The following SHISA9 variants were observed in gnomAD, a reference collection of about 807,000 sequenced individuals.
The protein encoded by SHISA9 is shisa family member 9.
SHISA9 carries 13 observed loss-of-function variants against 38.0 expected under a neutral mutation model. The observed-to-expected ratio is 0.34, with a 90% confidence interval of 0.22 to 0.54. The LOEUF is 0.54. SHISA9 is among the 20% of genes least tolerant of loss of function. The pLI is 0.91. For missense variants in SHISA9, 538 were observed against 575.8 expected, an observed-to-expected ratio of 0.93 and a Z score of 0.67; for synonymous variants, 275 against 242.0, an observed-to-expected ratio of 1.14 and a Z score of -1.27.
chr16:13,118,599 C>T (rs989737359), intron 2 of SHISA9, among the ~76,000 whole-genome samples: 1 of 152,142 alleles, frequency 6.6e-6, no homozygotes, highest in African/African-American at 2.4e-5. Flanking sequence ...GAGTCTGGGG[C>T]AGGCCCAGAG....
the SHISA9 span, among the ~76,000 whole-genome samples, chr16:13,314,436 C>T: frequency 6.6e-6 from 1 of 152,060 alleles, no homozygotes; most frequent in Non-Finnish European, 1.5e-5. Flanking sequence ...GACAGGGTTT[C>T]ACCGTGTTGG....
intron 2 of SHISA9, among the ~76,000 whole-genome samples, chr16:12,973,843 CT>C (rs2072118611): frequency 6.6e-6 from 1 of 152,146 alleles, no homozygotes; most frequent in Non-Finnish European, 1.5e-5. Flanking sequence ...CACTAATTGT[CT>C]GTATAGCCTC....
chr16:13,389,374 C>T, the SHISA9 span, among the ~76,000 whole-genome samples: 2 of 152,012 alleles, frequency 1.3e-5, no homozygotes, highest in Admixed American at 6.6e-5. Flanking sequence ...ATTTAAGGGC[C>T]GTGTCTCTTT....
At chr16:13,018,653 C>T (rs1258502358) in intron 2 of SHISA9, among the ~76,000 whole-genome samples, 1 of 152,198 alleles carries the variant, frequency 6.6e-6, no homozygotes, top group African/African-American at 2.4e-5. Flanking sequence ...AGAGGCACTG[C>T]AGCTGGTGAT....
the SHISA9 span, among the ~76,000 whole-genome samples, chr16:13,469,754 A>G: frequency 6.6e-6 from 1 of 152,036 alleles, no homozygotes; most frequent in Non-Finnish European, 1.5e-5. Context: ...AGGCTGACAC[A>G]ATTAACCAGA....
At chr16:12,971,908 G>T (rs76817903) in intron 2 of SHISA9, among the ~76,000 whole-genome samples, 1 of 152,026 alleles carries the variant, frequency 6.6e-6, no homozygotes, top group Non-Finnish European at 1.5e-5. Flanking sequence ...TATAGATTCC[G>T]GTCTGTCTTT....
At chr16:13,212,666 C>T (rs964381185) in intron 3 of SHISA9, among the ~76,000 whole-genome samples, 6 of 152,074 alleles carry the variant, frequency 3.9e-5, no homozygotes, top group East Asian at 1.9e-4. Context: ...GAATGCATTC[C>T]TTCATTCAGT....
chr16:12,965,031 C>G (rs1320767866), intron 2 of SHISA9, among the ~76,000 whole-genome samples: 1 of 152,036 alleles, frequency 6.6e-6, no homozygotes, highest in African/African-American at 2.4e-5. Flanking sequence ...AAATGAATAT[C>G]TATCTATATA....
chr16:13,150,003 C>G (rs80203051), intron 2 of SHISA9, among the ~76,000 whole-genome samples: 6,700 of 131,254 alleles, frequency 0.051, 315 homozygotes, highest in South Asian at 0.19. Flanking sequence ...ATAGGAAATG[C>G]TCAATGGTCA....
chr16:13,012,988 A>G (rs553246008), intron 2 of SHISA9, among the ~76,000 whole-genome samples: 1 of 152,238 alleles, frequency 6.6e-6, no homozygotes, highest in East Asian at 1.9e-4. Flanking sequence ...AGGGGCGTGG[A>G]GGGAGACAGG....
At chr16:13,192,284 A>G (rs1038705743) in intron 2 of SHISA9, among the ~76,000 whole-genome samples, 6 of 152,062 alleles carry the variant, frequency 3.9e-5, no homozygotes, top group African/African-American at 1.5e-4. Flanking sequence ...AATGTTCACT[A>G]TTTGGGTGAT....
chr16:13,477,720 T>C, the SHISA9 span, among the ~76,000 whole-genome samples: 1 of 152,174 alleles, frequency 6.6e-6, no homozygotes, highest in Non-Finnish European at 1.5e-5. Flanking sequence ...ATCCCAGCAT[T>C]TTGGGAGGCC....
At chr16:13,379,075 C>T in the SHISA9 span, among the ~76,000 whole-genome samples, 2 of 149,906 alleles carry the variant, frequency 1.3e-5, no homozygotes, top group Non-Finnish European at 3.0e-5. Flanking sequence ...GTAAGCCCTA[C>T]CCTCTAGGGA....
At chr16:13,317,051 T>C in the SHISA9 span, among the ~76,000 whole-genome samples, 1 of 152,132 alleles carries the variant, frequency 6.6e-6, no homozygotes, top group African/African-American at 2.4e-5. Context: ...CCAGACTGAG[T>C]CCCTAGCTGC....
chr16:13,015,892 TTCTTTCTTTC>T (rs1303404858), intron 2 of SHISA9, among the ~76,000 whole-genome samples: 2 of 129,170 alleles, frequency 1.5e-5, no homozygotes, highest in African/African-American at 5.5e-5. Context: ...CTTTCTTTCT[TTCTTTCTTTC>T]TTTCTTTTCT....
chr16:13,027,796 G>T (rs900431012), intron 2 of SHISA9, among the ~76,000 whole-genome samples: 36 of 151,748 alleles, frequency 2.4e-4, no homozygotes, highest in African/African-American at 8.5e-4. Flanking sequence ...GTATGGTGGT[G>T]CACTCCTGTA....
chr16:13,336,488 C>A, the SHISA9 span, among the ~76,000 whole-genome samples: 1 of 152,090 alleles, frequency 6.6e-6, no homozygotes, highest in Non-Finnish European at 1.5e-5. Flanking sequence ...CATTCTGATC[C>A]CAGAAAGGAA....
At chr16:12,997,410 GTTT>G (rs34930368) in intron 2 of SHISA9, among the ~76,000 whole-genome samples, 1 of 134,076 alleles carries the variant, frequency 7.5e-6, no homozygotes, top group Non-Finnish European at 1.6e-5. Context: ...GCTTAACCTA[GTTT>G]TTTTTTTTTT....
the SHISA9 span, among the ~76,000 whole-genome samples, chr16:13,397,677 G>T: frequency 1.3e-5 from 2 of 152,180 alleles, no homozygotes; most frequent in South Asian, 2.1e-4. Flanking sequence ...CTCATGATCT[G>T]CCCACCTTGG....
Sources: gnomAD v4.1 joint callset for allele counts (sites outside exome capture counted in the v4.1 genomes callset) on GRCh38, gnomAD v4.1.1 for gene constraint, MANE v1.5 for transcripts, NCBI Gene and HGNC (gene_info 2026-07-23, HGNC 2026-07-21) for gene names.